MACROD2: variants seen among roughly 807,000 people sequenced by gnomAD.
MACROD2 encodes mono-ADP ribosylhydrolase 2.
MACROD2 carries 36 observed loss-of-function variants against 70.4 expected under a neutral mutation model. The ratio of observed to expected loss-of-function variants is 0.51; its 90% CI spans 0.39 to 0.68. The LOEUF is 0.68. Ranked by LOEUF, MACROD2 falls within the 30% of genes least tolerant of loss-of-function variation. The pLI, the probability that MACROD2 is intolerant of heterozygous loss-of-function variation, is 0.00. For synonymous variants in MACROD2, 172 were observed against 178.8 expected (o/e 0.96, Z 0.30); for missense variants, 496 against 538.4 (o/e 0.92, Z 0.78).
At chr20:15,184,197 A>G (rs879287995) in intron 5 of MACROD2, among the ~76,000 whole-genome samples, 2 of 152,194 alleles carry the variant, frequency 1.3e-5, no homozygotes, top group Non-Finnish European at 2.9e-5. Flanking sequence ...TGGGCCCATG[A>G]GCTTACTGCC....
rs2327962 is a variant in MACROD2 at position 15,746,498 on chromosome 20, C to G, written c.646-116247C>G. Among the ~76,000 whole-genome samples, 1,148 of 146,764 alleles carry G rather than the reference C, an allele frequency of 7.8e-3. 15 individuals carry two copies. The highest frequency in any genetic ancestry group is 0.027 in the African/African-American group (1,085 of 39,518). On this transcript the variant is annotated intron_variant, in intron 8 of 17. Coordinates refer to ENST00000684519, the MANE Select transcript of MACROD2 (RefSeq NM_001351661.2). The stretch of plus-strand genomic sequence containing the variant: ...TCTATTACCATTTAGTTTTACTTGC[C>G]TTATTGCACTTATTTCCAGTGAAAC...
intron 6 of MACROD2, among the ~76,000 whole-genome samples, chr20:15,335,581 T>C (rs1203907537): frequency 6.6e-6 from 1 of 151,718 alleles, no homozygotes; most frequent in East Asian, 1.9e-4. Flanking sequence ...GGCATGTAAA[T>C]ATTATAATAA....
intron 5 of MACROD2, among the ~76,000 whole-genome samples, chr20:14,957,778 T>A (rs75051887): frequency 0.01 from 1,534 of 152,326 alleles, 15 homozygotes; most frequent in Non-Finnish European, 0.014. Flanking sequence ...TAAATTGTTT[T>A]GTTTTTGGAG....
At chr20:14,376,894 A>T (rs2083377272) in intron 3 of MACROD2, among the ~76,000 whole-genome samples, 2 of 152,040 alleles carry the variant, frequency 1.3e-5, no homozygotes, top group Admixed American at 1.3e-4. Flanking sequence ...AACCTCCCTG[A>T]ATCTGTTTTC....
chr20:14,642,296 A>G (rs1296884288), intron 4 of MACROD2, among the ~76,000 whole-genome samples: 1 of 152,160 alleles, frequency 6.6e-6, no homozygotes, highest in East Asian at 1.9e-4. Context: ...ATGTTGTGGC[A>G]GGTTTGATCT....
At chr20:14,925,738 G>A (rs77633898) in intron 5 of MACROD2, among the ~76,000 whole-genome samples, 31 of 152,188 alleles carry the variant, frequency 2.0e-4, no homozygotes, top group South Asian at 1.9e-3. Context: ...TCTCTACTGC[G>A]TTCATATGAC....
chr20:14,269,951 T>C (rs2122347696), intron 3 of MACROD2, among the ~76,000 whole-genome samples: 1 of 152,218 alleles, frequency 6.6e-6, no homozygotes, highest in Admixed American at 6.5e-5. Context: ...TCCCATTCCT[T>C]AGGGATATTA....
intron 3 of MACROD2, among the ~76,000 whole-genome samples, chr20:14,450,999 A>G (rs2084239056): frequency 6.6e-6 from 1 of 152,130 alleles, no homozygotes; most frequent in Non-Finnish European, 1.5e-5. Context: ...CTTCAGGAAG[A>G]TAATGAAAAT....
chr20:14,424,004 C>T (rs1218110257), intron 3 of MACROD2, among the ~76,000 whole-genome samples: 1 of 151,754 alleles, frequency 6.6e-6, no homozygotes, highest in African/African-American at 2.4e-5. Flanking sequence ...TCAGGTGATC[C>T]GCCCGCCTCA....
intron 6 of MACROD2, among the ~76,000 whole-genome samples, chr20:15,263,438 T>C (rs1029933322): frequency 3.3e-5 from 5 of 152,146 alleles, no homozygotes; most frequent in Non-Finnish European, 5.9e-5. Flanking sequence ...TATAGCTCTG[T>C]AGCATAATTT....
intron 3 of MACROD2, among the ~76,000 whole-genome samples, chr20:14,243,421 T>C (rs1457258805): frequency 6.6e-6 from 1 of 152,226 alleles, no homozygotes; most frequent in Non-Finnish European, 1.5e-5. Flanking sequence ...ATTGAAAATA[T>C]CTGCCTAAAC....
At chr20:14,250,516 G>C (rs1463726126) in intron 3 of MACROD2, among the ~76,000 whole-genome samples, 2 of 152,170 alleles carry the variant, frequency 1.3e-5, no homozygotes, top group Admixed American at 6.6e-5. Context: ...GTCTTCAGTA[G>C]AGTGTCTAGG....
At chr20:14,869,540 A>G (rs1240654302) in intron 5 of MACROD2, among the ~76,000 whole-genome samples, 2 of 152,148 alleles carry the variant, frequency 1.3e-5, no homozygotes, top group Non-Finnish European at 2.9e-5. Context: ...CTATTCCTGC[A>G]CAGGAGCAAT....
chr20:15,806,961 A>G (rs2147080639), intron 8 of MACROD2, among the ~76,000 whole-genome samples: 1 of 152,288 alleles, frequency 6.6e-6, no homozygotes, highest in South Asian at 2.1e-4. Flanking sequence ...AAATGAGCCA[A>G]AGATGTATTT....
intron 3 of MACROD2, among the ~76,000 whole-genome samples, chr20:14,279,988 G>A (rs954865253): frequency 3.9e-5 from 6 of 152,154 alleles, no homozygotes; most frequent in African/African-American, 1.4e-4. Context: ...TAGTCTTACA[G>A]AGAAAGAGGG....
rs192148184 is a variant in MACROD2, at chr20:14,147,083, A to T, written c.271+61355A>T. Reference sequence around the variant, plus strand: ...CCAGGGACAGTGGGATGGAAGAAGGACTAACATCTGAGGGCTTCTTATGTA... The same window carrying T: ...CCAGGGACAGTGGGATGGAAGAAGGTCTAACATCTGAGGGCTTCTTATGTA... On this transcript the variant is annotated intron_variant, in intron 3 of 17. Coordinates refer to ENST00000684519, the MANE Select transcript of MACROD2 (RefSeq NM_001351661.2). 1.6e-4 allele frequency among the ~76,000 whole-genome samples: 24 copies of T among 152,282 alleles called. No homozygotes were observed. In the East Asian group the frequency reaches 4.6e-3, roughly 29 times the overall value.
chr20:15,468,129 G>A (rs370409298), intron 7 of MACROD2, among the ~76,000 whole-genome samples: 33 of 152,048 alleles, frequency 2.2e-4, no homozygotes, highest in African/African-American at 7.7e-4. Flanking sequence ...TATGTCTGCC[G>A]CTGCATTGAA....
chr20:15,684,263 G>T (rs6110733), intron 8 of MACROD2, among the ~76,000 whole-genome samples: 1 of 152,190 alleles, frequency 6.6e-6, no homozygotes, highest in Non-Finnish European at 1.5e-5. Flanking sequence ...ATGTAAAGAA[G>T]GTTGAATGGC....
At chr20:14,274,944 T>C (rs949327952) in intron 3 of MACROD2, among the ~76,000 whole-genome samples, 1 of 152,062 alleles carries the variant, frequency 6.6e-6, no homozygotes, top group African/African-American at 2.4e-5. Flanking sequence ...TTACAAGGGA[T>C]GTGAAGGACC....
Sources: gnomAD v4.1 joint callset for allele counts (sites outside exome capture counted in the v4.1 genomes callset) on GRCh38, gnomAD v4.1.1 for gene constraint, MANE v1.5 for transcripts, NCBI Gene and HGNC (gene_info 2026-07-23, HGNC 2026-07-21) for gene names.